SUPT16H: variants seen among roughly 807,000 people sequenced by gnomAD.
SUPT16H encodes SPT16 homolog, facilitates chromatin remodeling subunit.
Under a neutral mutation model 136.2 loss-of-function variants are expected in SUPT16H, and 24 were observed. The observed-to-expected ratio is 0.18, with a 90% CI of 0.13 to 0.25. SUPT16H has a LOEUF of 0.25. SUPT16H is among the 10% of genes least tolerant of loss of function. SUPT16H has a pLI of 1.00. For missense variants in SUPT16H, 623 were observed against 1,270.2 expected (o/e 0.49, Z 7.74); for synonymous variants, 415 against 428.2 (o/e 0.97, Z 0.38).
intron 7 of SUPT16H, 46 bp downstream of exon 7, chr14:21,368,223 A>T (rs758854906): frequency 1.3e-6 from 2 of 1,573,430 alleles, no homozygotes; most frequent in Non-Finnish European, 8.6e-7. Context: ...GGCCAATGAC[A>T]TTTTTGTTAC....
chr14:21,353,219 T>C (rs925902681), intron 25 of SUPT16H, among the ~76,000 whole-genome samples: 1 of 152,216 alleles, frequency 6.6e-6, no homozygotes, highest in Non-Finnish European at 1.5e-5. Flanking sequence ...CATGAATATG[T>C]GGCTATCATG....
At position 21,371,320 on chromosome 14, in the gene SUPT16H, G is replaced by A. The variant is rs187038217; in HGVS notation, c.330+554C>T. Reference sequence around the variant, plus strand: ...CTTTTTTTAAGAGAAGGGGTCTCACGTTGCCCAGGCTGGTCTCAAACACCT... The same window carrying A: ...CTTTTTTTAAGAGAAGGGGTCTCACATTGCCCAGGCTGGTCTCAAACACCT... On this transcript the variant is annotated intron_variant, in intron 3 of 25. Coordinates refer to ENST00000216297, the MANE Select transcript of SUPT16H (RefSeq NM_007192.4). Among the ~76,000 whole-genome samples, 390 of 151,976 alleles carry A rather than the reference G, an allele frequency of 2.6e-3. 1 individual carries two copies. Among genetic ancestry groups the A allele is most frequent in the African/African-American group, 8.8e-3 (364 of 41,454 alleles).
At chr14:21,375,539 G>C (rs939079433) in intron 1 of SUPT16H, among the ~76,000 whole-genome samples, 4 of 152,038 alleles carry the variant, frequency 2.6e-5, no homozygotes, top group Non-Finnish European at 5.9e-5. Context: ...TCACTTTCTT[G>C]ATAGTGTCCT....
At chr14:21,382,914 T>C (rs1302829351) in intron 1 of SUPT16H, 3 of 152,210 alleles carry the variant, frequency 2.0e-5, no homozygotes, top group Admixed American at 6.5e-5. Context: ...TTTTAGTAGA[T>C]GACCAGTTTG....
Position 21,383,842 on chromosome 14 carries a change from A to G in SUPT16H, c.66+20T>C, listed in dbSNP as rs1378294008. 6.2e-7 allele frequency: 1 copy of G among 1,614,016 alleles called. No individual in the cohort carries two copies. Among genetic ancestry groups the G allele is most frequent in the African/African-American group, 1.3e-5 (1 of 75,030 alleles). On this transcript the variant is annotated intron_variant, in intron 1 of 25. Coordinates refer to ENST00000216297, the MANE Select transcript of SUPT16H (RefSeq NM_007192.4). ...ATGGCTAAGGGGGCTCCCTAGGAAA[A>G]ATTACAGGATCTTCCTCACCCGCCA...
At chr14:21,367,356 T>G (rs1237613206) in intron 7 of SUPT16H, among the ~76,000 whole-genome samples, 1 of 152,206 alleles carries the variant, frequency 6.6e-6, no homozygotes, top group Non-Finnish European at 1.5e-5. Context: ...CAAAAACAGA[T>G]CCTTGTGGTG....
At chr14:21,373,093 A>AC (rs1224916900) in intron 2 of SUPT16H, among the ~76,000 whole-genome samples, 1 of 151,812 alleles carries the variant, frequency 6.6e-6, no homozygotes, top group African/African-American at 2.4e-5. Context: ...ACAGGTGCAC[A>AC]CCCCCACATC....
At chr14:21,383,677 G>T (rs1470141240) in intron 1 of SUPT16H, 185 bp downstream of exon 1, 3 of 729,950 alleles carry the variant, frequency 4.1e-6, no homozygotes, top group Non-Finnish European at 7.5e-6. Flanking sequence ...GGGTGAATGC[G>T]GGGGATTCCC....
Position 21,368,195 on chromosome 14 carries a change from G to T in SUPT16H, c.955+74C>A, listed in dbSNP as rs995054832. On this transcript the variant is annotated intron_variant, in intron 7 of 25. Coordinates refer to ENST00000216297, the MANE Select transcript of SUPT16H (RefSeq NM_007192.4). ...CGGCCTCCCAGTGTAGGGATTACAG[G>T]TGTGACCCACAGCTCCCGGCCAATG... The T allele has an allele frequency of 6.7e-6, 10 of 1,494,684 alleles. No homozygotes were observed. The African/African-American group carries it at 9.7e-5, about 15-fold the overall frequency. 92.6% of individuals were successfully genotyped at this position (1,494,684 alleles called of 1,614,324 possible).
Position 21,352,783 on chromosome 14 carries a change from G to GTTC in SUPT16H, c.3031_3033dup (p.Glu1011dup). The GTTC allele has an allele frequency of 6.2e-7, 1 of 1,613,954 alleles. No homozygotes were observed. Reference sequence around the variant, plus strand: ...CTCTTCCGGCTCATACTTCGACTTTGTTCTTCTTCTTCCTCGTAACGACTT... The same window carrying GTTC: ...CTCTTCCGGCTCATACTTCGACTTTGTTCTTCTTCTTCTTCCTCGTAACGACTT... On this transcript the variant is annotated inframe_insertion, in exon 26 of 26. Transcript: ENST00000216297.
chr14:21,372,831 C>A, intron 2 of SUPT16H: 1 of 345,544 alleles, frequency 2.9e-6, no homozygotes, highest in Non-Finnish European at 5.6e-6. Context: ...TCTTAAATCA[C>A]TGCTAAATCC....
intron 8 of SUPT16H, among the ~76,000 whole-genome samples, chr14:21,366,232 A>G (rs926428795): frequency 6.6e-6 from 1 of 152,244 alleles, no homozygotes; most frequent in African/African-American, 2.4e-5. Context: ...GGAACACCAC[A>G]CTGGTCTAGA....
Position 21,368,419 on chromosome 14 carries a change from C to T in SUPT16H, c.805G>A (p.Gly269Arg). The T allele has an allele frequency of 6.2e-7, 1 of 1,612,068 alleles. No individual in the cohort carries two copies. The highest frequency in any genetic ancestry group is 1.1e-5 in the South Asian group (1 of 90,634). ...VVSDKNHMHF[G>R]AITCAMGIRF... ...ATACCCATGGCACAAGTGATAGCCC[C>T]AAAGTGCATATGATTCTTGTCACTA... Residue 269 changes from glycine (G) to arginine (R), a missense_variant, in exon 7 of 26, where the codon GGG (glycine) becomes AGG (arginine). Transcript: ENST00000216297.
At chr14:21,376,919 C>T (rs1290061391) in intron 1 of SUPT16H, among the ~76,000 whole-genome samples, 1 of 151,816 alleles carries the variant, frequency 6.6e-6, no homozygotes, top group Admixed American at 6.6e-5. Context: ...ATTTGAAGAC[C>T]TGGATTAGCC....
chr14:21,373,934 G>T (rs1447606230), intron 1 of SUPT16H, among the ~76,000 whole-genome samples: 1 of 152,026 alleles, frequency 6.6e-6, no homozygotes, highest in Non-Finnish European at 1.5e-5. Flanking sequence ...CACTATGTGG[G>T]TCAGGCTGGT....
chr14:21,373,766 T>C (rs866424077), intron 1 of SUPT16H, among the ~76,000 whole-genome samples: 1 of 152,330 alleles, frequency 6.6e-6, no homozygotes, highest in Middle Eastern at 3.4e-3. Context: ...TGACTCTTGT[T>C]GCCCAGGCTG....
chr14:21,382,231 T>C (rs1440540770), intron 1 of SUPT16H, among the ~76,000 whole-genome samples: 5 of 152,216 alleles, frequency 3.3e-5, no homozygotes, highest in Non-Finnish European at 7.4e-5. Context: ...CATTTTTACA[T>C]AGATTTGGCT....
intron 18 of SUPT16H, among the ~76,000 whole-genome samples, chr14:21,360,035 A>T (rs953086002): frequency 1.3e-5 from 2 of 152,004 alleles, no homozygotes; most frequent in Non-Finnish European, 2.9e-5. Context: ...TTTTTTCATC[A>T]CTTTTTTGTT....
chr14:21,354,915 A>G (rs556963242), intron 22 of SUPT16H: 3 of 172,402 alleles, frequency 1.7e-5, no homozygotes, highest in Non-Finnish European at 3.7e-5. Flanking sequence ...TCTTTGCACT[A>G]TGCCACCAGA....
Sources: allele counts gnomAD v4.1 joint callset (sites outside exome capture counted in the v4.1 genomes callset), GRCh38; gene constraint gnomAD v4.1.1; transcripts MANE v1.5; gene names NCBI Gene and HGNC (gene_info 2026-07-23, HGNC 2026-07-21).